The following DIAPH3 variants were observed in gnomAD, a reference collection of about 807,000 sequenced individuals.
The protein encoded by DIAPH3 is protein diaphanous homolog 3.
Under a neutral mutation model 144.3 loss-of-function variants are expected in DIAPH3, and 117 were observed. The ratio of observed to expected loss-of-function variants is 0.81; its 90% CI spans 0.70 to 0.95. DIAPH3 has a LOEUF of 0.95. Among genes scored for constraint, DIAPH3 ranks in the 40% least tolerant of loss-of-function variants. The pLI is 0.00. For missense variants in DIAPH3, 1,421 were observed against 1,412.7 expected (o/e 1.01, Z -0.09); for synonymous variants, 519 against 488.9 (o/e 1.06, Z -0.81).
chr13:59,903,415 A>C (rs2046559316), intron 20 of DIAPH3, among the ~76,000 whole-genome samples: 1 of 152,156 alleles, frequency 6.6e-6, no homozygotes, highest in African/African-American at 2.4e-5. Context: ...ACCAAATCAC[A>C]ATTTCCTCAA....
intron 23 of DIAPH3, chr13:59,837,996 T>C (rs772236051): frequency 6.6e-6 from 1 of 152,064 alleles, no homozygotes; most frequent in African/African-American, 2.4e-5. Context: ...ATAAAATCTA[T>C]GACAAGCCAA....
intron 27 of DIAPH3, among the ~76,000 whole-genome samples, chr13:59,686,676 G>A (rs2033230773): frequency 6.6e-6 from 1 of 151,956 alleles, no homozygotes; most frequent in African/African-American, 2.4e-5. Context: ...GTTATTTCGG[G>A]CTAGGGGTAT....
intron 17 of DIAPH3, among the ~76,000 whole-genome samples, chr13:59,961,506 G>A (rs1196613999): frequency 6.6e-6 from 1 of 152,082 alleles, no homozygotes; most frequent in African/African-American, 2.4e-5. Context: ...GATGAAAGAT[G>A]GTTTTAATAA....
chr13:59,758,812 C>T (rs1253015931), intron 27 of DIAPH3, among the ~76,000 whole-genome samples: 1 of 149,568 alleles, frequency 6.7e-6, no homozygotes, highest in Non-Finnish European at 1.5e-5. Flanking sequence ...CAGGGTCTTG[C>T]TCTGTCCCTT....
chr13:60,151,984 CTATAG>C (rs1320365031), intron 1 of DIAPH3, among the ~76,000 whole-genome samples: 2 of 152,094 alleles, frequency 1.3e-5, no homozygotes, highest in South Asian at 4.1e-4. Context: ...CAGTTTAATT[CTATAG>C]TAAAGTCCAT....
At chr13:59,978,278 T>C (rs2050785153) in intron 14 of DIAPH3, among the ~76,000 whole-genome samples, 1 of 151,750 alleles carries the variant, frequency 6.6e-6, no homozygotes, top group South Asian at 2.1e-4. Context: ...TGAATGACTA[T>C]GTCAACATAG....
In DIAPH3 at chr13:59,970,042, A is replaced by T. The variant is rs761164083; in HGVS notation, c.1976T>A (p.Met659Lys). The change falls in exon 17 of 28, where the codon ATG becomes AAG. Residue 659 changes from methionine (M) to lysine (K), a missense_variant. Coordinates refer to ENST00000400324, the MANE Select transcript of DIAPH3 (RefSeq NM_001042517.2). ...LNWLKIRPHE[M>K]TENCFWIKVN... The stretch of plus-strand genomic sequence containing the variant: ...TTTTATCCAGAAACAGTTTTCAGTC[A>T]TTTCATGAGGTCTGATCTACAATCA... 1 of 1,597,830 alleles carries T rather than the reference A, an allele frequency of 6.3e-7. No homozygotes were observed. The highest frequency in any genetic ancestry group is 1.3e-5 in the African/African-American group (1 of 74,614).
intron 27 of DIAPH3, among the ~76,000 whole-genome samples, chr13:59,762,719 C>T (rs2037666289): frequency 6.6e-6 from 1 of 152,030 alleles, no homozygotes; most frequent in Admixed American, 6.5e-5. Context: ...GTAAGATTCA[C>T]ATTTTCCCCT....
intron 27 of DIAPH3, among the ~76,000 whole-genome samples, chr13:59,715,516 T>C (rs2035001886): frequency 6.6e-6 from 1 of 152,002 alleles, no homozygotes; most frequent in Admixed American, 6.6e-5. Context: ...AACAATCCTT[T>C]TGCTTCAATA....
intron 27 of DIAPH3, among the ~76,000 whole-genome samples, chr13:59,745,239 A>AT (rs2036643156): frequency 6.6e-6 from 1 of 152,220 alleles, no homozygotes. Flanking sequence ...GGACTAAAAA[A>AT]CAACACAGCA....
intron 4 of DIAPH3, among the ~76,000 whole-genome samples, chr13:60,069,656 T>C (rs896040131): frequency 1.3e-5 from 2 of 152,096 alleles, no homozygotes; most frequent in African/African-American, 4.8e-5. Flanking sequence ...TTTTTGTATA[T>C]GGTGTAAGGA....
rs144906057 is a variant in DIAPH3, at chr13:59,854,518, T to G, written c.2737+6889A>C. Among the ~76,000 whole-genome samples the G allele has an allele frequency of 2.1e-4, 32 of 152,278 alleles. No individual in the cohort carries two copies. The East Asian group carries it at 4.8e-3, about 23-fold the overall frequency. On this transcript the variant is annotated intron_variant, in intron 22 of 27. Coordinates refer to ENST00000400324, the MANE Select transcript of DIAPH3 (RefSeq NM_001042517.2). ...CTTGTCTCCAACAAGATTCATAAGA[T>G]TGCCATTAATGTGTTTGCTCTATCT...
intron 4 of DIAPH3, among the ~76,000 whole-genome samples, chr13:60,059,996 A>G (rs954047249): frequency 1.3e-5 from 2 of 152,088 alleles, no homozygotes; most frequent in African/African-American, 4.8e-5. Flanking sequence ...TAATCGCACA[A>G]TTATTTGCCT....
intron 7 of DIAPH3, among the ~76,000 whole-genome samples, chr13:60,014,757 T>A (rs3783041): frequency 0.014 from 2,149 of 152,168 alleles, 64 homozygotes; most frequent in East Asian, 0.1. Context: ...CAGGTAAAAT[T>A]TCCCCCCCTG....
At chr13:60,053,094 A>G (rs1156748333) in intron 4 of DIAPH3, among the ~76,000 whole-genome samples, 1 of 151,884 alleles carries the variant, frequency 6.6e-6, no homozygotes, top group African/African-American at 2.4e-5. Flanking sequence ...TTATATTACT[A>G]TCCAAACACA....
chr13:59,685,580 C>T (rs1390474780), intron 27 of DIAPH3, among the ~76,000 whole-genome samples: 2 of 152,110 alleles, frequency 1.3e-5, no homozygotes, highest in Admixed American at 1.3e-4. Context: ...ACTTTAATGA[C>T]AGAGCAAGGA....
At chr13:60,037,278 G>A (rs985765516) in intron 5 of DIAPH3, among the ~76,000 whole-genome samples, 1 of 151,722 alleles carries the variant, frequency 6.6e-6, no homozygotes, top group Non-Finnish European at 1.5e-5. Context: ...AATCTGGGGG[G>A]CGGGGACAAA....
At chr13:59,701,411 G>T (rs1030918513) in intron 27 of DIAPH3, among the ~76,000 whole-genome samples, 1 of 152,154 alleles carries the variant, frequency 6.6e-6, no homozygotes, top group Admixed American at 6.5e-5. Flanking sequence ...TGGGAACAGT[G>T]ATCACATTGC....
intron 25 of DIAPH3, among the ~76,000 whole-genome samples, chr13:59,790,289 T>A (rs1012423139): frequency 1.3e-5 from 2 of 152,202 alleles, no homozygotes; most frequent in Non-Finnish European, 2.9e-5. Flanking sequence ...GGATTTTTAC[T>A]TAAATTTCTG....
Sources: allele counts gnomAD v4.1 joint callset (sites outside exome capture counted in the v4.1 genomes callset), GRCh38; gene constraint gnomAD v4.1.1; transcripts MANE v1.5; gene names NCBI Gene and HGNC (gene_info 2026-07-23, HGNC 2026-07-21).